Variants in PRKCA observed in about 807,000 individuals in gnomAD.
The protein encoded by PRKCA is protein kinase C alpha type.
Under a neutral mutation model 87.0 loss-of-function variants are expected in PRKCA, and 27 were observed. The ratio of observed to expected loss-of-function variants is 0.31; its 90% CI spans 0.23 to 0.43. The LOEUF is 0.43. PRKCA is among the 20% of genes least tolerant of loss of function. The pLI is 1.00. For synonymous variants in PRKCA, 329 were observed against 311.1 expected, an observed-to-expected ratio of 1.06 and a Z score of -0.61; for missense variants, 518 against 852.3, an observed-to-expected ratio of 0.61 and a Z score of 4.88.
intron 3 of PRKCA, among the ~76,000 whole-genome samples, chr17:66,572,968 C>T (rs185229038): frequency 6.6e-6 from 1 of 152,212 alleles, no homozygotes; most frequent in African/African-American, 2.4e-5. Context: ...TGAAGAATTA[C>T]ATCTGCTTCC....
chr17:66,687,125 A>T lies in PRKCA; in HGVS notation c.544A>T (p.Asn182Tyr), dbSNP rs776863583. 1.1e-5 allele frequency: 18 copies of T among 1,612,002 alleles called. No homozygotes were observed. Among genetic ancestry groups the T allele is most frequent in the Non-Finnish European group, 1.7e-6 (2 of 1,178,534 alleles). The change falls in exon 6 of 17, where the codon AAT becomes TAT. Residue 182 changes from asparagine (N) to tyrosine (Y), a missense_variant. Physicochemically the swap from Asn to Tyr is moderately radical, Grantham distance 143 (BLOSUM62 -2). Around this residue, in one of 5 missense-constraint regions of PRKCA, gnomAD observed 300 missense variants for 496.8 expected, o/e 0.60. Coordinates refer to ENST00000413366, the MANE Select transcript of PRKCA (RefSeq NM_002737.3). ...TCTCTTCACAGTACGAGATGCAAAA[A>T]ATCTAATCCCTATGGATCCAAACGG... ...KLHVTVRDAK[N>Y]LIPMDPNGLS... is the part of the protein sequence containing the mutation.
chr17:66,711,213 C>A (rs1200023089), intron 8 of PRKCA, among the ~76,000 whole-genome samples: 1 of 152,140 alleles, frequency 6.6e-6, no homozygotes, highest in Non-Finnish European at 1.5e-5. Flanking sequence ...CTGTTAATAT[C>A]TTTCAATCAC....
At chr17:66,369,019 A>G (rs900264296) in intron 2 of PRKCA, among the ~76,000 whole-genome samples, 2 of 152,300 alleles carry the variant, frequency 1.3e-5, no homozygotes, top group African/African-American at 4.8e-5. Context: ...ATTCTAGAAT[A>G]TTCCATCGGT....
chr17:66,314,298 G>A (rs1257344148), intron 2 of PRKCA, among the ~76,000 whole-genome samples: 1 of 152,160 alleles, frequency 6.6e-6, no homozygotes, highest in African/African-American at 2.4e-5. Context: ...TTCAGGTCTT[G>A]TTTTCCACCC....
chr17:66,654,547 C>A (rs1971681811), intron 5 of PRKCA, among the ~76,000 whole-genome samples: 1 of 152,226 alleles, frequency 6.6e-6, no homozygotes, highest in Non-Finnish European at 1.5e-5. Context: ...AGCAGCTGAC[C>A]GTTGGCTCTG....
intron 2 of PRKCA, among the ~76,000 whole-genome samples, chr17:66,351,226 G>T (rs1907724877): frequency 6.6e-6 from 1 of 152,198 alleles, no homozygotes. Context: ...ACCATGAAGT[G>T]TTAGCACTGT....
At chr17:66,774,393 G>A (rs764796172) in intron 14 of PRKCA, 3 of 1,111,516 alleles carry the variant, frequency 2.7e-6, no homozygotes, top group Non-Finnish European at 3.4e-6. Context: ...AGCCAAGGCA[G>A]GCGGATCGCC....
At chr17:66,546,111 A>G (rs1328057592) in intron 3 of PRKCA, among the ~76,000 whole-genome samples, 2 of 152,170 alleles carry the variant, frequency 1.3e-5, no homozygotes, top group East Asian at 3.9e-4. Flanking sequence ...TGCTGTGACA[A>G]TCTTTGCCAT....
chr17:66,619,982 T>C (rs1438961725), intron 3 of PRKCA, among the ~76,000 whole-genome samples: 4 of 151,900 alleles, frequency 2.6e-5, no homozygotes, highest in Admixed American at 2.6e-4. Context: ...TTTTGGGGGG[T>C]AATGAAAAAA....
chr17:66,441,036 C>T (rs915139610), intron 2 of PRKCA, among the ~76,000 whole-genome samples: 30 of 151,724 alleles, frequency 2.0e-4, no homozygotes, highest in African/African-American at 6.8e-4. Context: ...GTAGCAGGCA[C>T]CTGTAATCCC....
intron 2 of PRKCA, among the ~76,000 whole-genome samples, chr17:66,467,238 T>C (rs1430383510): frequency 6.6e-6 from 1 of 152,180 alleles, no homozygotes; most frequent in Non-Finnish European, 1.5e-5. Flanking sequence ...TCCAATACCA[T>C]GAGTGGTTAA....
intron 13 of PRKCA, among the ~76,000 whole-genome samples, chr17:66,754,656 G>A (rs1221328990): frequency 6.6e-6 from 1 of 152,150 alleles, no homozygotes; most frequent in African/African-American, 2.4e-5. Context: ...AGAGGTGTTT[G>A]ATTTCTTTGA....
At chr17:66,492,380 G>A (rs574396803) in intron 2 of PRKCA, among the ~76,000 whole-genome samples, 1 of 152,308 alleles carries the variant, frequency 6.6e-6, no homozygotes, top group Non-Finnish European at 1.5e-5. Flanking sequence ...TCCAGCTGTA[G>A]ATACATAATT....
chr17:66,657,885 A>G (rs1279798462), intron 5 of PRKCA, among the ~76,000 whole-genome samples: 1 of 152,188 alleles, frequency 6.6e-6, no homozygotes, highest in Non-Finnish European at 1.5e-5. Context: ...CATACTTTAC[A>G]TGACCAACAC....
At chr17:66,391,080 G>A (rs1177276544) in intron 2 of PRKCA, among the ~76,000 whole-genome samples, 2 of 152,142 alleles carry the variant, frequency 1.3e-5, no homozygotes, top group Non-Finnish European at 2.9e-5. Context: ...GGAATCAAAA[G>A]TCATCATAAA....
chr17:66,692,389 A>G (rs564405229), intron 8 of PRKCA, among the ~76,000 whole-genome samples: 157 of 152,340 alleles, frequency 1.0e-3, no homozygotes, highest in African/African-American at 3.7e-3. Context: ...GACAGCTGCC[A>G]TGCTTCATTT....
intron 3 of PRKCA, among the ~76,000 whole-genome samples, chr17:66,531,107 C>G (rs1363134786): frequency 6.6e-6 from 1 of 152,194 alleles, no homozygotes; most frequent in East Asian, 1.9e-4. Context: ...CATCGGTAGT[C>G]TCTGCTGGCT....
At chr17:66,740,353 C>T (rs1974130805) in intron 11 of PRKCA, among the ~76,000 whole-genome samples, 1 of 152,070 alleles carries the variant, frequency 6.6e-6, no homozygotes, top group African/African-American at 2.4e-5. Context: ...TCAGGAAACA[C>T]CAGTGGAGCA....
intron 2 of PRKCA, among the ~76,000 whole-genome samples, chr17:66,393,504 C>T (rs1004376252): frequency 2.6e-5 from 4 of 152,226 alleles, no homozygotes; most frequent in South Asian, 2.1e-4. Flanking sequence ...GAGAACAGCT[C>T]GGAGGGATGG....
Sources: gnomAD v4.1 joint callset for allele counts (sites outside exome capture counted in the v4.1 genomes callset) on GRCh38, gnomAD v4.1.1 for gene constraint, gnomAD v4.1.1 regional missense constraint, MANE v1.5 for transcripts, NCBI Gene and HGNC (gene_info 2026-07-23, HGNC 2026-07-21) for gene names.